GRIP1: variants seen among roughly 807,000 people sequenced by gnomAD.
The protein encoded by GRIP1 is glutamate receptor-interacting protein 1.
GRIP1 carries 45 observed loss-of-function variants against 129.9 expected under a neutral mutation model. That is an observed-to-expected ratio of 0.35 (90% CI 0.27 to 0.44). GRIP1 has a LOEUF of 0.44. GRIP1 is among the 20% of genes least tolerant of loss of function. The probability of loss-of-function intolerance (pLI) is 1.00; values close to 1 mark genes in which losing one functional copy is unlikely to be tolerated. For synonymous variants in GRIP1, 530 were observed against 520.8 expected (o/e 1.02, Z -0.24); for missense variants, 1,196 against 1,396.8 (o/e 0.86, Z 2.29).
intron 5 of GRIP1, among the ~76,000 whole-genome samples, chr12:66,525,532 A>C (rs1592485863): frequency 5.3e-5 from 8 of 150,798 alleles, no homozygotes; most frequent in African/African-American, 1.5e-4. Flanking sequence ...GACATATCTC[A>C]AAATAATAAG....
At chr12:66,692,402 A>T (rs1193280875) in intron 1 of GRIP1, among the ~76,000 whole-genome samples, 1 of 152,210 alleles carries the variant, frequency 6.6e-6, no homozygotes, top group African/African-American at 2.4e-5. Context: ...CTGCGTCTAC[A>T]TGGCATCTTA....
intron 1 of GRIP1, among the ~76,000 whole-genome samples, chr12:66,723,332 A>T (rs1364990146): frequency 7.6e-5 from 5 of 66,202 alleles, no homozygotes; most frequent in East Asian, 8.8e-4. Flanking sequence ...TTTTTTTTTG[A>T]GACAGAGTCT....
At chr12:66,758,366 C>T (rs1376521419) in intron 1 of GRIP1, among the ~76,000 whole-genome samples, 2 of 151,930 alleles carry the variant, frequency 1.3e-5, no homozygotes, top group Non-Finnish European at 2.9e-5. Context: ...AGACTGGCCC[C>T]CGTGATTCAA....
intron 1 of GRIP1, among the ~76,000 whole-genome samples, chr12:66,913,759 AG>A (rs755317115): frequency 6.6e-6 from 1 of 152,212 alleles, no homozygotes; most frequent in Non-Finnish European, 1.5e-5. Context: ...TTATATCAGG[AG>A]GTCAATCAAG....
At chr12:66,902,839 T>C (rs967303878) in intron 1 of GRIP1, among the ~76,000 whole-genome samples, 1 of 152,222 alleles carries the variant, frequency 6.6e-6, no homozygotes, top group Non-Finnish European at 1.5e-5. Context: ...GTTAGCGCTT[T>C]TGAATTATTG....
intron 1 of GRIP1, among the ~76,000 whole-genome samples, chr12:66,931,900 G>A (rs993149750): frequency 6.6e-6 from 1 of 152,088 alleles, no homozygotes; most frequent in Non-Finnish European, 1.5e-5. Flanking sequence ...TATGGGTTAT[G>A]TGCCAATTTT....
At chr12:66,466,159 G>A (rs769093755) in intron 7 of GRIP1, among the ~76,000 whole-genome samples, 32 of 152,148 alleles carry the variant, frequency 2.1e-4, no homozygotes, top group African/African-American at 5.8e-4. Context: ...TCAATTCCTC[G>A]GGAAGCCTAA....
intron 7 of GRIP1, among the ~76,000 whole-genome samples, chr12:66,506,073 T>A (rs61925948): frequency 6.6e-6 from 1 of 151,934 alleles, no homozygotes; most frequent in South Asian, 2.1e-4. Flanking sequence ...GTGAAGGATG[T>A]GAAACTGTTA....
intron 2 of GRIP1, among the ~76,000 whole-genome samples, chr12:66,573,056 A>T (rs1183983962): frequency 2.0e-5 from 3 of 151,574 alleles, no homozygotes; most frequent in Non-Finnish European, 4.4e-5. Flanking sequence ...TGCACATATA[A>T]CATATGTATA....
intron 1 of GRIP1, among the ~76,000 whole-genome samples, chr12:66,654,446 C>A (rs147379454): frequency 2.0e-5 from 3 of 152,106 alleles, no homozygotes; most frequent in Non-Finnish European, 2.9e-5. Flanking sequence ...AAACACCATA[C>A]GCAAAATCAT....
At chr12:66,920,215 C>T (rs188278994) in intron 1 of GRIP1, among the ~76,000 whole-genome samples, 62 of 152,232 alleles carry the variant, frequency 4.1e-4, no homozygotes, top group Admixed American at 1.1e-3. Context: ...AAAACCTCAG[C>T]TGTCCAGCAT....
chr12:66,467,737 C>A (rs2059326173), intron 7 of GRIP1, among the ~76,000 whole-genome samples: 1 of 152,230 alleles, frequency 6.6e-6, no homozygotes, highest in South Asian at 2.1e-4. Context: ...TGCATAGCAA[C>A]CTTTTTCTGC....
chr12:66,971,246 C>A (rs1183994724), intron 1 of GRIP1, among the ~76,000 whole-genome samples: 1 of 151,990 alleles, frequency 6.6e-6, no homozygotes, highest in East Asian at 1.9e-4. Context: ...AGTGATTTGC[C>A]CTGAGATTGC....
At chr12:66,677,785 T>C (rs996374921) in intron 1 of GRIP1, among the ~76,000 whole-genome samples, 17 of 152,178 alleles carry the variant, frequency 1.1e-4, no homozygotes, top group African/African-American at 4.1e-4. Flanking sequence ...CCAGATAAAA[T>C]ATTAATTGCA....
intron 1 of GRIP1, among the ~76,000 whole-genome samples, chr12:66,999,949 T>C (rs1379887725): frequency 6.6e-6 from 1 of 152,158 alleles, no homozygotes; most frequent in Non-Finnish European, 1.5e-5. Flanking sequence ...AAGCCCCCAA[T>C]TTTTCTTCTT....
chr12:66,574,790 T>TTTTTTTTTTTTTTTTTTTTTTTTTTTTTC (rs55885862), intron 2 of GRIP1, among the ~76,000 whole-genome samples: 1 of 142,068 alleles, frequency 7.0e-6, no homozygotes, highest in Non-Finnish European at 1.5e-5. Context: ...CACTTTTCTT[T>TTTTTTTTTTTTTTTTTTTTTTTTTTTTTC]TTTTTTTTTT....
chr12:66,908,865 C>G (rs999555781), intron 1 of GRIP1, among the ~76,000 whole-genome samples: 3 of 152,172 alleles, frequency 2.0e-5, no homozygotes, highest in African/African-American at 7.2e-5. Flanking sequence ...AACTTCTGAT[C>G]TGAAAACAAC....
intron 1 of GRIP1, among the ~76,000 whole-genome samples, chr12:66,608,970 TA>T (rs1474288724): frequency 6.9e-6 from 1 of 144,832 alleles, no homozygotes; most frequent in East Asian, 2.0e-4. Flanking sequence ...ATTATATATA[TA>T]TTTTTTTACA....
intron 1 of GRIP1, among the ~76,000 whole-genome samples, chr12:66,792,388 C>T (rs2038568175): frequency 6.6e-6 from 1 of 152,000 alleles, no homozygotes; most frequent in Admixed American, 6.6e-5. Context: ...ATTACAGGAA[C>T]GCACCACTAT....
Sources: gnomAD v4.1 joint callset for allele counts (sites outside exome capture counted in the v4.1 genomes callset) on GRCh38, gnomAD v4.1.1 for gene constraint, MANE v1.5 for transcripts, NCBI Gene and HGNC (gene_info 2026-07-23, HGNC 2026-07-21) for gene names.